Variants in ZFHX2 observed in about 807,000 individuals in gnomAD.
ZFHX2 encodes zinc finger homeobox protein 2.
Under a neutral mutation model 164.8 loss-of-function variants are expected in ZFHX2, and 75 were observed. The ratio of observed to expected loss-of-function variants is 0.46; its 90% confidence interval spans 0.38 to 0.55. The LOEUF (loss-of-function observed/expected upper bound fraction) is 0.55, where lower values mean the gene tolerates loss of function less well. Among genes scored for constraint, ZFHX2 ranks in the 20% least tolerant of loss-of-function variants. ZFHX2 has a pLI of 0.00. For missense variants in ZFHX2, 2,933 were observed against 3,308.0 expected (o/e 0.89, Z 2.78); for synonymous variants, 1,217 against 1,351.4 (o/e 0.90, Z 2.18).
intron 1 of ZFHX2, among the ~76,000 whole-genome samples, chr14:23,549,419 A>G (rs1402129581): frequency 3.9e-5 from 6 of 152,170 alleles, no homozygotes; most frequent in Non-Finnish European, 7.3e-5. Flanking sequence ...TGGAAAAACA[A>G]TGATGGGCTA....
chr14:23,521,874 G>A lies in ZFHX2; in HGVS notation c.*88C>T. 7 of 1,505,462 alleles carry A rather than the reference G, an allele frequency of 4.6e-6. No homozygotes were observed. Among genetic ancestry groups the A allele is most frequent in the Non-Finnish European group, 6.2e-6 (7 of 1,132,520 alleles). 93.3% of individuals were successfully genotyped at this position (1,505,462 alleles called of 1,614,324 possible). A position where few individuals can be genotyped will look rare whatever the true frequency, so the allele number is the denominator to read the frequency against. On this transcript the variant is annotated 3_prime_UTR_variant, in exon 10 of 10. Transcript: ENST00000419474. Reference sequence around the variant, plus strand: ...GAGGTGGGCGGGGCCAGGGGGTGGGGTGAGGGATTTGAGCTCCCACCGAAC... The same window carrying A: ...GAGGTGGGCGGGGCCAGGGGGTGGGATGAGGGATTTGAGCTCCCACCGAAC...
In ZFHX2 at chr14:23,535,460, C is replaced by G; in HGVS notation, c.-49-86G>C. 1 of 1,153,490 alleles carries G rather than the reference C, an allele frequency of 8.7e-7. No individual in the cohort carries two copies. Among genetic ancestry groups the G allele is most frequent in the East Asian group, 2.7e-5 (1 of 37,148 alleles). 71.5% of individuals were successfully genotyped at this position (1,153,490 alleles called of 1,614,324 possible). A position where few individuals can be genotyped will look rare whatever the true frequency, so the allele number is the denominator to read the frequency against. ...GGATCTCTGGATACTCCTGCCCCAT[C>G]CTCTTCCCTGAACACCAGACTCAGA... On this transcript the variant is annotated intron_variant, in intron 1 of 9. Coordinates refer to ENST00000419474, the MANE Select transcript of ZFHX2 (RefSeq NM_033400.3). This position sits in a 1 kb window ranked among gnomAD's most constrained non-coding sequence, Gnocchi z 4.5.
At position 23,523,654 on chromosome 14, in the gene ZFHX2, C is replaced by A; in HGVS notation, c.6288G>T (p.Glu2096Asp). The change falls in exon 9 of 10, where the codon GAG becomes GAT. Residue 2096 changes from glutamate (E) to aspartate (D), a missense_variant. Transcript: ENST00000419474. The surrounding 1 kb of genome is among the most constrained non-coding windows in gnomAD (Gnocchi z 4.1). ...GCAGCCCAATCTCCTCTCCCAGCAC[C>A]TCACACTCCTGCATGGTGGGGGTGC... ...AYRTPTMQEC[E>D]VLGEEIGLPK... The A allele has an allele frequency of 6.5e-7, 1 of 1,547,524 alleles. No homozygotes were observed. The highest frequency in any genetic ancestry group is 8.7e-7 in the Non-Finnish European group (1 of 1,152,382).
chr14:23,530,643 G>T, intron 4 of ZFHX2: 1 of 349,420 alleles, frequency 2.9e-6, no homozygotes, highest in Non-Finnish European at 5.6e-6. Flanking sequence ...AGTAAGAATT[G>T]ACAGATGTGT....
chr14:23,549,324 T>C (rs138239794), intron 1 of ZFHX2, among the ~76,000 whole-genome samples: 2 of 152,270 alleles, frequency 1.3e-5, no homozygotes, highest in African/African-American at 2.4e-5. Flanking sequence ...CACCCCTTTC[T>C]TTCTTTAATT....
In ZFHX2 at chr14:23,534,892, C is replaced by T; in HGVS notation, c.434G>A (p.Gly145Asp). Reference sequence around the variant, plus strand: ...GGGCTCTTCCTTGATGCCCGCCTCACCCCAGGGGAAGCCCTTTGGTAACAG... The same window carrying T: ...GGGCTCTTCCTTGATGCCCGCCTCATCCCAGGGGAAGCCCTTTGGTAACAG... Reference protein sequence around the residue: ...ELLLPKGFPWGEAGIKEEPSL... With the variant: ...ELLLPKGFPWDEAGIKEEPSL... Residue 145 changes from glycine (G) to aspartate (D), a missense_variant, in exon 2 of 10, where the codon GGT becomes GAT. Physicochemically the swap from Gly to Asp is moderately conservative, Grantham distance 94. Transcript: ENST00000419474. The surrounding 1 kb of genome is among the most constrained non-coding windows in gnomAD (Gnocchi z 4.5). 2 of 1,536,110 alleles carry T rather than the reference C, an allele frequency of 1.3e-6. No homozygotes were observed. The highest frequency in any genetic ancestry group is 1.7e-6 in the Non-Finnish European group (2 of 1,146,888).
intron 3 of ZFHX2, 161 bp from the exon 4 acceptor site, chr14:23,531,882 T>C: frequency 1.0e-6 from 1 of 970,884 alleles, no homozygotes; most frequent in Non-Finnish European, 1.3e-6. Flanking sequence ...GGTTCAGTGA[T>C]TCTCATGCCT....
chr14:23,529,883 G>T, intron 5 of ZFHX2, 115 bp from the exon 6 acceptor site: 3 of 1,134,466 alleles, frequency 2.6e-6, no homozygotes, highest in Non-Finnish European at 3.8e-6. Context: ...AAACTCAGTA[G>T]ATAGGTGAGG....
chr14:23,537,836 G>T (rs1040983156), intron 1 of ZFHX2, among the ~76,000 whole-genome samples: 3 of 152,150 alleles, frequency 2.0e-5, no homozygotes, highest in African/African-American at 7.2e-5. Flanking sequence ...TCACCCACAG[G>T]GTGGGCCACA....
In ZFHX2 at chr14:23,524,387, C is replaced by T; in HGVS notation, c.5555G>A (p.Gly1852Asp). 1 of 1,536,190 alleles carries T rather than the reference C, an allele frequency of 6.5e-7. No homozygotes were observed. Among genetic ancestry groups the T allele is most frequent in the Non-Finnish European group, 8.7e-7 (1 of 1,146,908 alleles). ...TGSEAGGGGE[G>D]EPPRDKRLRT... ...CAGGCGCTTGTCCCTGGGGGGCTCG[C>T]CCTCCCCTCCTCCCCCTGCTTCACT... Residue 1852 changes from glycine (G) to aspartate (D), a missense_variant, in exon 9 of 10, where the codon GGC (glycine) becomes GAC (aspartate). Transcript: ENST00000419474. The surrounding 1 kb of genome is among the most constrained non-coding windows in gnomAD (Gnocchi z 5.6).
intron 7 of ZFHX2, among the ~76,000 whole-genome samples, chr14:23,527,290 C>T (rs993874530): frequency 9.9e-5 from 15 of 152,196 alleles, no homozygotes; most frequent in African/African-American, 3.4e-4. Flanking sequence ...AAGCCTCTGC[C>T]TCATCTCTTA....
intron 4 of ZFHX2, 146 bp downstream of exon 4, chr14:23,531,335 T>C (rs1879522645): frequency 3.3e-6 from 4 of 1,208,500 alleles, no homozygotes; most frequent in South Asian, 5.4e-5. Flanking sequence ...TTCTGTCTTA[T>C]CCCTTCGCAG....
At chr14:23,538,291 A>G (rs1880410114) in intron 1 of ZFHX2, among the ~76,000 whole-genome samples, 1 of 151,990 alleles carries the variant, frequency 6.6e-6, no homozygotes, top group African/African-American at 2.4e-5. Context: ...AATTGCAAAT[A>G]TATCTCTGCC....
At chr14:23,553,392 G>C (rs989560262), upstream of ZFHX2, among the ~76,000 whole-genome samples, 1 of 151,956 alleles carries the variant, frequency 6.6e-6, no homozygotes, top group African/African-American at 2.4e-5. Context: ...CTGAGGTCAG[G>C]AGTTCGAGAC....
chr14:23,530,179 G>A lies in ZFHX2; in HGVS notation c.2816C>T (p.Thr939Ile). 6.5e-7 allele frequency: 1 copy of A among 1,535,742 alleles called. No individual in the cohort carries two copies. The highest frequency in any genetic ancestry group is 8.7e-7 in the Non-Finnish European group (1 of 1,146,546). Residue 939 changes from threonine to isoleucine, a missense_variant, in exon 5 of 10, where the codon ACC (threonine) becomes ATC (isoleucine). Physicochemically the swap from Thr to Ile is moderately conservative, Grantham distance 89. Transcript: ENST00000419474. ...AGGGGTGGGTGGCTCAGCTAAGGGG[G>A]TGACAGGAGCCTTCCCTGTGTAGGA... The part of the protein sequence containing the change: ...QLRTPGKAPV[T>I]PLAEPPTPEK...
At chr14:23,540,324 GT>G (rs1174451810) in intron 1 of ZFHX2, among the ~76,000 whole-genome samples, 2 of 152,112 alleles carry the variant, frequency 1.3e-5, no homozygotes, top group Non-Finnish European at 2.9e-5. Context: ...TTTTCTAATT[GT>G]TTAATCTACC....
At chr14:23,532,523 A>G in intron 3 of ZFHX2, 44 bp downstream of exon 3, 1 of 1,423,878 alleles carries the variant, frequency 7.0e-7, no homozygotes, top group South Asian at 1.5e-5. Flanking sequence ...CTCTGTCCCC[A>G]TTCCCTTCTC....
At chr14:23,549,421 G>A (rs1300802343) in intron 1 of ZFHX2, among the ~76,000 whole-genome samples, 1 of 152,136 alleles carries the variant, frequency 6.6e-6, no homozygotes, top group Non-Finnish European at 1.5e-5. Context: ...GAAAAACAAT[G>A]ATGGGCTAAA....
At position 23,522,952 on chromosome 14, in the gene ZFHX2, G is replaced by C; in HGVS notation, c.6740-11C>G. ...AGGAGGCTGCCGGGCCTAGAAAGGT[G>C]AAAGGAAGGATGAAGGATTAGCCAT... On this transcript the variant is annotated splice_polypyrimidine_tract_variant and intron_variant, in intron 9 of 9. Transcript: ENST00000419474. 1 of 1,437,422 alleles carries C rather than the reference G, an allele frequency of 7.0e-7. No individual in the cohort carries two copies. The highest frequency in any genetic ancestry group is 9.1e-7 in the Non-Finnish European group (1 of 1,100,456). The allele number at this position is 1,437,422 out of a possible 1,614,324, so 89.0% of individuals were successfully genotyped here.
Sources: gnomAD v4.1 joint callset for allele counts (sites outside exome capture counted in the v4.1 genomes callset) on GRCh38, gnomAD v4.1.1 for gene constraint, Gnocchi (gnomAD v3.1) non-coding constraint, MANE v1.5 for transcripts, NCBI Gene and HGNC (gene_info 2026-07-23, HGNC 2026-07-21) for gene names.